ABHD18: variants seen among roughly 807,000 people sequenced by gnomAD.
The protein encoded by ABHD18 is abhydrolase domain containing 18.
A neutral mutation model predicts 65.9 loss-of-function variants in ABHD18; 55 were observed. The observed-to-expected ratio is 0.84, with a 90% CI of 0.67 to 1.05. The LOEUF is 1.05. Ranked by LOEUF, ABHD18 falls within the 50% of genes least tolerant of loss-of-function variation. The pLI is 0.00. For synonymous variants in ABHD18, 181 were observed against 180.2 expected (o/e 1.00, Z -0.04); for missense variants, 533 against 558.5 (o/e 0.95, Z 0.46).
Position 128,035,843 on chromosome 4 carries a change from A to G in ABHD18, c.*30A>G. ...ATTATTATATGTAACCAGTGTGGCCATGATGTTTCTTACAAAAGGGAGCTT... is the reference window on the plus strand; with the variant it reads ...ATTATTATATGTAACCAGTGTGGCCGTGATGTTTCTTACAAAAGGGAGCTT... On this transcript the variant is annotated 3_prime_UTR_variant, in exon 13 of 13. Coordinates refer to ENST00000645843, the MANE Select transcript of ABHD18 (RefSeq NM_001358451.3). 2.1e-6 allele frequency: 3 copies of G among 1,438,764 alleles called. No homozygotes were observed. The highest frequency in any genetic ancestry group is 2.8e-6 in the Non-Finnish European group (3 of 1,063,056). 89.1% of individuals were successfully genotyped at this position (1,438,764 alleles called of 1,614,324 possible).
chr4:128,032,848 A>G (rs1758398795), intron 12 of ABHD18, among the ~76,000 whole-genome samples: 1 of 152,244 alleles, frequency 6.6e-6, no homozygotes, highest in Non-Finnish European at 1.5e-5. Context: ...AAAAAGGGAC[A>G]TACATTACAT....
chr4:128,008,257 G>A lies in ABHD18; in HGVS notation c.279-663G>A, dbSNP rs1321901114. On this transcript the variant is annotated intron_variant, in intron 4 of 12. Coordinates refer to ENST00000645843, the MANE Select transcript of ABHD18 (RefSeq NM_001358451.3). ...AGCCTGGGCAACAGAGTGAGACTCCGTTCCTTTTTTTTTTTTTTTTTTTTT... is the reference window on the plus strand; with the variant it reads ...AGCCTGGGCAACAGAGTGAGACTCCATTCCTTTTTTTTTTTTTTTTTTTTT... Among the ~76,000 whole-genome samples the A allele has an allele frequency of 6.1e-5, 8 of 131,156 alleles. No individual in the cohort carries two copies. The South Asian group carries it at 7.2e-4, about 12-fold the overall frequency. The allele number at this position is 131,156 out of a possible 152,430, so 86.0% of individuals were successfully genotyped here.
At chr4:127,967,553 TC>T (rs1345491021) in intron 1 of ABHD18, among the ~76,000 whole-genome samples, 1 of 152,190 alleles carries the variant, frequency 6.6e-6, no homozygotes, top group Non-Finnish European at 1.5e-5. Flanking sequence ...GGTGGCTTAC[TC>T]AAGGTCACAC....
intron 8 of ABHD18, among the ~76,000 whole-genome samples, chr4:128,018,987 G>A (rs1451650775): frequency 4.1e-5 from 6 of 145,340 alleles, no homozygotes; most frequent in South Asian, 2.2e-4. Flanking sequence ...GCACTCTAGC[G>A]TGAGCAACAG....
intron 10 of ABHD18, among the ~76,000 whole-genome samples, chr4:128,024,139 G>A (rs1325192650): frequency 6.6e-6 from 1 of 152,222 alleles, no homozygotes; most frequent in Non-Finnish European, 1.5e-5. Context: ...CCAAGGTTGA[G>A]GGGCCCACAT....
At chr4:128,018,157 A>C (rs1454919458) in intron 8 of ABHD18, among the ~76,000 whole-genome samples, 1 of 152,138 alleles carries the variant, frequency 6.6e-6, no homozygotes, top group African/African-American at 2.4e-5. Flanking sequence ...CCTTACCTCC[A>C]GACTATACTT....
chr4:127,970,544 G>A (rs1263115947), intron 1 of ABHD18, among the ~76,000 whole-genome samples: 21 of 142,144 alleles, frequency 1.5e-4, no homozygotes, highest in Middle Eastern at 4.3e-3. Flanking sequence ...AGCCGAGATC[G>A]CACCATTGCA....
intron 8 of ABHD18, among the ~76,000 whole-genome samples, chr4:128,018,424 T>C (rs1579398349): frequency 1.3e-5 from 2 of 151,908 alleles, no homozygotes; most frequent in East Asian, 3.9e-4. Context: ...AAAATAATAA[T>C]ACCCCAACCT....
At chr4:128,021,325 AT>A in intron 10 of ABHD18, 87 bp downstream of exon 10, 1 of 821,628 alleles carries the variant, frequency 1.2e-6, no homozygotes, top group Non-Finnish European at 1.9e-6. Context: ...AGAATAGCAA[AT>A]TTTTAAAAAC....
intron 10 of ABHD18, among the ~76,000 whole-genome samples, chr4:128,025,208 C>A (rs1757171743): frequency 6.6e-6 from 1 of 151,880 alleles, no homozygotes; most frequent in Non-Finnish European, 1.5e-5. Context: ...TTATCTTTTT[C>A]TTTTTATTTT....
chr4:127,999,827 T>C (rs1453691528), intron 4 of ABHD18, among the ~76,000 whole-genome samples: 1 of 152,210 alleles, frequency 6.6e-6, no homozygotes, highest in Non-Finnish European at 1.5e-5. Flanking sequence ...TATGTTGCAG[T>C]TGTTTCTGGG....
intron 3 of ABHD18, among the ~76,000 whole-genome samples, chr4:127,989,256 A>G (rs1442094910): frequency 6.6e-6 from 1 of 152,206 alleles, no homozygotes; most frequent in Non-Finnish European, 1.5e-5. Flanking sequence ...TAGATTGATG[A>G]TTATCAGAGG....
Position 128,030,546 on chromosome 4 carries a change from C to T in ABHD18, c.1217C>T (p.Ala406Val), listed in dbSNP as rs768881032. The change falls in exon 12 of 13, where the codon GCC becomes GTC. Residue 406 changes from alanine to valine, a missense_variant. By Grantham distance (64) the Ala-to-Val change is moderately conservative (BLOSUM62 0). Around this residue, in one of 3 missense-constraint regions of ABHD18, gnomAD observed 220 missense variants for 226.8 expected, o/e 0.97. Coordinates refer to ENST00000645843, the MANE Select transcript of ABHD18 (RefSeq NM_001358451.3). ...CCAAGCCTCATTATAGTGGTTCAAG[C>T]CAAAGAAGATGCCTATATTCCACGA... ...VDPSLIIVVQ[A>V]KEDAYIPRTG... 1 of 1,598,960 alleles carries T rather than the reference C, an allele frequency of 6.3e-7. No individual in the cohort carries two copies. Among genetic ancestry groups the T allele is most frequent in the South Asian group, 1.1e-5 (1 of 87,552 alleles).
At chr4:128,023,502 T>G (rs1233957986) in intron 10 of ABHD18, among the ~76,000 whole-genome samples, 1 of 137,120 alleles carries the variant, frequency 7.3e-6, no homozygotes, top group African/African-American at 2.7e-5. Context: ...GATCACTTGA[T>G]CCCAGGAGTT....
At chr4:127,970,650 G>A (rs1033128556) in intron 1 of ABHD18, among the ~76,000 whole-genome samples, 38 of 151,564 alleles carry the variant, frequency 2.5e-4, no homozygotes, top group African/African-American at 9.0e-4. Context: ...GCAAAAGGCA[G>A]TGAAGTCCTA....
chr4:128,003,953 A>C (rs1018728534), intron 4 of ABHD18, among the ~76,000 whole-genome samples: 1 of 150,878 alleles, frequency 6.6e-6, no homozygotes, highest in Non-Finnish European at 1.5e-5. Flanking sequence ...CGATTTAAAA[A>C]AAAAAAAAAC....
intron 1 of ABHD18, among the ~76,000 whole-genome samples, chr4:127,979,789 G>T (rs1748661267): frequency 6.6e-6 from 1 of 151,574 alleles, no homozygotes; most frequent in African/African-American, 2.4e-5. Context: ...GCTGCTGTGT[G>T]CCTGTAATCC....
chr4:127,987,132 AT>A (rs1483028066), intron 3 of ABHD18, among the ~76,000 whole-genome samples: 1 of 152,002 alleles, frequency 6.6e-6, no homozygotes, highest in African/African-American at 2.4e-5. Flanking sequence ...GCAGTGGATC[AT>A]TTGAGGTCAG....
intron 4 of ABHD18, among the ~76,000 whole-genome samples, chr4:128,008,337 T>C (rs1753981390): frequency 7.9e-6 from 1 of 126,790 alleles, no homozygotes; most frequent in Non-Finnish European, 1.6e-5. Flanking sequence ...AGTGGCACAA[T>C]CTCGGCTCAC....
Sources: allele counts gnomAD v4.1 joint callset (sites outside exome capture counted in the v4.1 genomes callset), GRCh38; gene constraint gnomAD v4.1.1; regional missense constraint gnomAD v4.1.1; transcripts MANE v1.5; gene names NCBI Gene and HGNC (gene_info 2026-07-23, HGNC 2026-07-21).